TENM3: variants seen among roughly 807,000 people sequenced by gnomAD.
TENM3 encodes teneurin-3.
Under a neutral mutation model 255.1 loss-of-function variants are expected in TENM3, and 63 were observed. The observed-to-expected ratio is 0.25, with a 90% CI of 0.20 to 0.30. TENM3 has a LOEUF of 0.30. Ranked by LOEUF, TENM3 falls within the 10% of genes least tolerant of loss-of-function variation. TENM3 has a pLI of 1.00. For synonymous variants in TENM3, 1,306 were observed against 1,322.3 expected (o/e 0.99, Z 0.27); for missense variants, 2,929 against 3,461.1 (o/e 0.85, Z 3.86).
At chr4:182,555,717 C>T (rs1356014484) in intron 3 of TENM3, among the ~76,000 whole-genome samples, 2 of 151,988 alleles carry the variant, frequency 1.3e-5, no homozygotes, top group African/African-American at 4.8e-5. Flanking sequence ...AATTGTTGCC[C>T]TTCAAAATGC....
intron 12 of TENM3, among the ~76,000 whole-genome samples, chr4:182,691,540 C>T (rs889537610): frequency 6.6e-6 from 1 of 152,098 alleles, no homozygotes; most frequent in African/African-American, 2.4e-5. Flanking sequence ...ACTGAACACC[C>T]TGTCTACCTG....
chr4:182,679,187 A>G (rs572932392), intron 7 of TENM3, among the ~76,000 whole-genome samples: 8 of 150,490 alleles, frequency 5.3e-5, no homozygotes, highest in East Asian at 3.9e-4. Context: ...CTGCACATGT[A>G]CCCCAGAACT....
the TENM3 span, among the ~76,000 whole-genome samples, chr4:181,904,759 T>G: frequency 6.6e-6 from 1 of 152,136 alleles, no homozygotes; most frequent in African/African-American, 2.4e-5. Flanking sequence ...CTATATAAAA[T>G]AGTGATATGG....
At chr4:181,455,735 T>C in the TENM3 span, among the ~76,000 whole-genome samples, 1 of 151,986 alleles carries the variant, frequency 6.6e-6, no homozygotes, top group East Asian at 1.9e-4. Flanking sequence ...AATATATATA[T>C]TAATGGCATT....
chr4:182,241,527 T>TC (rs1435836928), upstream of TENM3, among the ~76,000 whole-genome samples: 1 of 145,428 alleles, frequency 6.9e-6, no homozygotes, highest in African/African-American at 2.6e-5. Flanking sequence ...TCTTTTTTTT[T>TC]TTTTTTTTGT....
Position 182,174,163 on chromosome 4 carries a change from C to T in TENM3, c.-76+29409C>T, listed in dbSNP as rs538071962. 2.4e-3 allele frequency among the ~76,000 whole-genome samples: 358 copies of T among 152,046 alleles called. 1 individual carries two copies. Among genetic ancestry groups the T allele is most frequent in the African/African-American group, 7.6e-3 (314 of 41,496 alleles). On this transcript the variant is annotated intron_variant, in intron 1 of 2. Coordinates refer to the TENM3 transcript ENST00000512480. ...TATCTTGATGACCAAATTATGTCAT[C>T]GCGGGAAATTTCTCTTTATCCATTA...
intron 10 of TENM3, among the ~76,000 whole-genome samples, chr4:182,681,164 G>A (rs913986458): frequency 6.6e-6 from 1 of 152,140 alleles, no homozygotes; most frequent in Non-Finnish European, 1.5e-5. Context: ...AGCTGTATAC[G>A]TATAATGATG....
chr4:182,785,712 TA>T (rs397879537), intron 24 of TENM3, among the ~76,000 whole-genome samples: 7,469 of 60,008 alleles, frequency 0.12, 141 homozygotes, highest in Non-Finnish European at 0.16. Flanking sequence ...TGTCTCAAGA[TA>T]AAAAAAAAAA....
chr4:181,534,984 C>T, the TENM3 span, among the ~76,000 whole-genome samples: 2 of 152,190 alleles, frequency 1.3e-5, no homozygotes, highest in Non-Finnish European at 2.9e-5. Flanking sequence ...ATAGCTCTAG[C>T]ACCCTGCTTG....
the TENM3 span, among the ~76,000 whole-genome samples, chr4:181,920,606 T>A: frequency 1.3e-5 from 2 of 152,156 alleles, no homozygotes; most frequent in African/African-American, 4.8e-5. Context: ...TAAATTTGTT[T>A]GAGTTCATTG....
the TENM3 span, among the ~76,000 whole-genome samples, chr4:181,558,973 G>A: frequency 5.7e-4 from 86 of 152,142 alleles, no homozygotes; most frequent in Middle Eastern, 3.4e-3. Context: ...ATGTTGATGT[G>A]CTGGCTAGTA....
At chr4:181,872,987 CT>C in the TENM3 span, among the ~76,000 whole-genome samples, 1 of 151,600 alleles carries the variant, frequency 6.6e-6, no homozygotes. Context: ...CATTTTCTTA[CT>C]TTGATTTTTA....
At chr4:181,864,224 G>T in the TENM3 span, among the ~76,000 whole-genome samples, 1 of 152,146 alleles carries the variant, frequency 6.6e-6, no homozygotes, top group Admixed American at 6.6e-5. Context: ...ACTATAAGAG[G>T]CAAAGAACTA....
chr4:182,322,565 A>G (rs1386618578), intron 1 of TENM3, among the ~76,000 whole-genome samples: 1 of 152,190 alleles, frequency 6.6e-6, no homozygotes, highest in Non-Finnish European at 1.5e-5. Context: ...AAGGATCAAG[A>G]ATTCTTGACA....
At chr4:182,434,740 G>T (rs548030035) in intron 3 of TENM3, among the ~76,000 whole-genome samples, 7 of 152,048 alleles carry the variant, frequency 4.6e-5, no homozygotes, top group African/African-American at 1.2e-4. Context: ...TATTATCAGG[G>T]TATATTTTTC....
At chr4:182,719,236 G>A (rs1031891202) in intron 13 of TENM3, among the ~76,000 whole-genome samples, 6 of 139,696 alleles carry the variant, frequency 4.3e-5, no homozygotes, top group Non-Finnish European at 7.7e-5. Flanking sequence ...CAGTAAAATA[G>A]AGTTCTTTTT....
chr4:181,653,114 C>T, the TENM3 span, among the ~76,000 whole-genome samples: 1 of 152,206 alleles, frequency 6.6e-6, no homozygotes, highest in Non-Finnish European at 1.5e-5. Context: ...CCAGGCACCA[C>T]TCCAAACACT....
At chr4:182,114,235 T>A in the TENM3 span, among the ~76,000 whole-genome samples, 2 of 152,058 alleles carry the variant, frequency 1.3e-5, no homozygotes, top group Non-Finnish European at 2.9e-5. Context: ...ATTTTAGAAG[T>A]TCCTGTGAAT....
intron 24 of TENM3, among the ~76,000 whole-genome samples, chr4:182,785,854 G>A (rs1389838513): frequency 6.6e-6 from 1 of 151,886 alleles, no homozygotes; most frequent in Non-Finnish European, 1.5e-5. Flanking sequence ...CTGGAACGCA[G>A]GTGCCCCTTG....
Sources: gnomAD v4.1 joint callset for allele counts (sites outside exome capture counted in the v4.1 genomes callset) on GRCh38, gnomAD v4.1.1 for gene constraint, MANE v1.5 for transcripts, NCBI Gene and HGNC (gene_info 2026-07-23, HGNC 2026-07-21) for gene names.